CCAR2: variants seen among roughly 807,000 people sequenced by gnomAD.
CCAR2 encodes the protein cell cycle and apoptosis regulator protein 2.
Under a neutral mutation model 108.1 loss-of-function variants are expected in CCAR2, and 21 were observed. The ratio of observed to expected loss-of-function variants is 0.19; its 90% CI spans 0.14 to 0.28. The LOEUF (loss-of-function observed/expected upper bound fraction) is 0.28, where lower values mean the gene tolerates loss of function less well. Ranked by LOEUF, CCAR2 falls within the 10% of genes least tolerant of loss-of-function variation. The probability of loss-of-function intolerance (pLI) is 1.00; values close to 1 mark genes in which losing one functional copy is unlikely to be tolerated. For synonymous variants in CCAR2, 577 were observed against 472.8 expected, an observed-to-expected ratio of 1.22 and a Z score of -2.86; for missense variants, 1,126 against 1,177.0, an observed-to-expected ratio of 0.96 and a Z score of 0.63.
intron 7 of CCAR2, among the ~76,000 whole-genome samples, 165 bp downstream of exon 7, chr8:22,608,230 T>C (rs920419410): frequency 6.6e-6 from 1 of 152,212 alleles, no homozygotes; most frequent in Non-Finnish European, 1.5e-5. Context: ...TCCTAGTCCC[T>C]TTTCTGTGAA....
chr8:22,613,013 C>G lies in CCAR2; in HGVS notation c.585-4C>G, dbSNP rs369541294. ...CTTACTGTTGGTGATGGGTCAACCT[C>G]TAGTGATGACTATGACTCCAAGAAA... On this transcript the variant is annotated splice_polypyrimidine_tract_variant and splice_region_variant and intron_variant, in intron 7 of 20. Transcript: ENST00000308511. 8 of 1,612,098 alleles carry G rather than the reference C, an allele frequency of 5.0e-6. No homozygotes were observed. Among genetic ancestry groups the G allele is most frequent in the African/African-American group, 1.3e-5 (1 of 74,828 alleles).
At chr8:22,609,166 T>C (rs1322189917) in intron 7 of CCAR2, among the ~76,000 whole-genome samples, 1 of 151,624 alleles carries the variant, frequency 6.6e-6, no homozygotes, top group African/African-American at 2.4e-5. Flanking sequence ...TCCTCCTGCC[T>C]CGGCCTCCGC....
Position 22,617,760 on chromosome 8 carries a change from C to T in CCAR2, c.2055C>T (p.Phe685=), listed in dbSNP as rs751880537. 19 of 1,613,702 alleles carry T rather than the reference C, an allele frequency of 1.2e-5. No homozygotes were observed. Among genetic ancestry groups the T allele is most frequent in the Non-Finnish European group, 1.5e-5 (18 of 1,180,014 alleles). ...CCTCAAACCAGTCAGAGATGGAGTT[C>T]TCTTCACTTCAGGACATGGTGAGGC... is the stretch of plus-strand genomic sequence containing the variant. ...SVASNQSEME[F]SSLQDMPKEL... Residue 685 remains phenylalanine, a synonymous_variant, in exon 16 of 21, where the codon TTC becomes TTT. Transcript: ENST00000308511.
At position 22,616,242 on chromosome 8, in the gene CCAR2, C is replaced by T. The variant is rs761666073; in HGVS notation, c.1839C>T (p.Ala613=). ...QNEGPATESE[A]PLKEDGLLPK... ...AGGGCCCGGCTACAGAGTCAGAGGCCCCGCTGGTGAGTACCCTGCCACCTC... is the reference window on the plus strand; with the variant it reads ...AGGGCCCGGCTACAGAGTCAGAGGCTCCGCTGGTGAGTACCCTGCCACCTC... Residue 613 remains alanine, a synonymous_variant, in exon 14 of 21, where the codon GCC becomes GCT. Coordinates refer to ENST00000308511, the MANE Select transcript of CCAR2 (RefSeq NM_001393997.1). 8.1e-6 allele frequency: 13 copies of T among 1,612,104 alleles called. No homozygotes were observed. In the East Asian group the frequency reaches 2.5e-4, roughly 30 times the overall value.
chr8:22,617,341 T>G, intron 14 of CCAR2, 79 bp from the exon 15 acceptor site: 1 of 1,476,552 alleles, frequency 6.8e-7, no homozygotes, highest in South Asian at 1.4e-5. Flanking sequence ...TAGTTGATAC[T>G]CAGGTGTCAG....
chr8:22,607,326 G>A lies in CCAR2; in HGVS notation c.487+1G>A, dbSNP rs758378385. On this transcript the variant is annotated splice_donor_variant, in intron 6 of 20. Transcript: ENST00000308511. LOFTEE classifies it high-confidence loss of function. ...ATTCCCCCACTCTTTCCTCAGAAGC[G>A]TGAGTACGAGTGGCACTGTTGTTGG... is the stretch of plus-strand genomic sequence containing the variant. 6.2e-7 allele frequency: 1 copy of A among 1,610,140 alleles called. No homozygotes were observed.
At chr8:22,606,276 G>C (rs1477642152) in intron 3 of CCAR2, 100 bp downstream of exon 3, 2 of 1,059,242 alleles carry the variant, frequency 1.9e-6, no homozygotes, top group Non-Finnish European at 2.9e-6. Flanking sequence ...TATCATTCCT[G>C]ATCCCTCTCC....
rs202009411 is a variant in CCAR2, at chr8:22,616,112, C to A, written c.1709C>A (p.Pro570Gln). 2.4e-5 allele frequency: 39 copies of A among 1,613,900 alleles called. No individual in the cohort carries two copies. The highest frequency in any genetic ancestry group is 3.3e-5 in the Admixed American group (2 of 59,996). Residue 570 changes from proline (P) to glutamine (Q), a missense_variant, in exon 14 of 21, where the codon CCA (proline) becomes CAA (glutamine). Physicochemically the swap from Pro to Gln is moderately conservative, Grantham distance 76. Coordinates refer to ENST00000308511, the MANE Select transcript of CCAR2 (RefSeq NM_001393997.1). ...AGCCTTCCTGAAAAGGTCGTGTCCC[C>A]ACCTGAACCTGAGAAGGAGGAGGCG... ...LLSLPEKVVS[P>Q]PEPEKEEAAK...
At chr8:22,615,148 G>C in intron 11 of CCAR2, 147 bp downstream of exon 11, 2 of 1,167,500 alleles carry the variant, frequency 1.7e-6, no homozygotes, top group Non-Finnish European at 2.3e-6. Context: ...AGGGTAGGGT[G>C]GGGTGTATGC....
Position 22,619,902 on chromosome 8 carries a change from A to G in CCAR2, c.*220A>G, listed in dbSNP as rs889784827. The G allele has an allele frequency of 3.1e-5, 18 of 579,880 alleles. No homozygotes were observed. Among genetic ancestry groups the G allele is most frequent in the Non-Finnish European group, 5.3e-5 (17 of 323,644 alleles). 35.9% of individuals were successfully genotyped at this position (579,880 alleles called of 1,614,324 possible). On this transcript the variant is annotated 3_prime_UTR_variant, in exon 21 of 21. Transcript: ENST00000308511. ...CCCCGGTTCCACTTAACAACTAAAT[A>G]CAACATCTTTTGCACCCCTAGAATG... is the stretch of plus-strand genomic sequence containing the variant.
In CCAR2 at chr8:22,604,791, G is replaced by A. The variant is rs1369329062; in HGVS notation, c.-90G>A. The A allele has an allele frequency of 2.2e-6, 1 of 455,972 alleles. No homozygotes were observed. The highest frequency in any genetic ancestry group is 2.3e-5 in the Admixed American group (1 of 42,592). The allele number at this position is 455,972 out of a possible 1,614,324, so 28.2% of individuals were successfully genotyped here. On this transcript the variant is annotated 5_prime_UTR_variant, in exon 1 of 21. The change creates a new upstream start codon in the 5' untranslated region. Transcript: ENST00000308511. ...TCCGGTGGCGGCGGCAGCAGCGGCT[G>A]TGGTGGTTCCGGGTGTCTTTGTCCC...
At position 22,619,901 on chromosome 8, in the gene CCAR2, T is replaced by G; in HGVS notation, c.*219T>G. The stretch of plus-strand genomic sequence containing the variant: ...ACCCCGGTTCCACTTAACAACTAAA[T>G]ACAACATCTTTTGCACCCCTAGAAT... On this transcript the variant is annotated 3_prime_UTR_variant, in exon 21 of 21. Coordinates refer to ENST00000308511, the MANE Select transcript of CCAR2 (RefSeq NM_001393997.1). The G allele has an allele frequency of 1.7e-6, 1 of 581,306 alleles. No homozygotes were observed. The highest frequency in any genetic ancestry group is 3.1e-6 in the Non-Finnish European group (1 of 324,372). The allele number at this position is 581,306 out of a possible 1,614,324, so 36.0% of individuals were successfully genotyped here. A position where few individuals can be genotyped will look rare whatever the true frequency, so the allele number is the denominator to read the frequency against.
At chr8:22,614,592 C>G (rs1372645149) in intron 10 of CCAR2, 89 bp downstream of exon 10, 2 of 1,274,700 alleles carry the variant, frequency 1.6e-6, no homozygotes, top group African/African-American at 2.9e-5. Flanking sequence ...TTCCTGAATG[C>G]ATAAAACGAG....
chr8:22,614,617 A>AAC, intron 10 of CCAR2, 114 bp downstream of exon 10: 1 of 1,087,390 alleles, frequency 9.2e-7, no homozygotes, highest in Non-Finnish European at 1.4e-6. Context: ...CTCAGAGCCG[A>AAC]ACACCCCTCA....
intron 11 of CCAR2, 164 bp downstream of exon 11, chr8:22,615,165 C>T (rs939679084): frequency 1.5e-5 from 15 of 1,020,984 alleles, no homozygotes; most frequent in Non-Finnish European, 1.9e-5. Context: ...ATGCCAAAAT[C>T]TGGCTGAGCC....
At chr8:22,615,381 G>T (rs747067015) in intron 11 of CCAR2, 44 bp from the exon 12 acceptor site, 3 of 1,593,938 alleles carry the variant, frequency 1.9e-6, no homozygotes, top group East Asian at 4.5e-5. Context: ...TGTCTGCGTG[G>T]AGTTGTCACT....
chr8:22,618,766 G>A, intron 18 of CCAR2, 38 bp downstream of exon 18: 2 of 1,613,174 alleles, frequency 1.2e-6, no homozygotes, highest in Non-Finnish European at 1.7e-6. Flanking sequence ...TGGGGCACGG[G>A]CAGGGCAGGC....
chr8:22,616,500 C>T (rs1033774859), intron 14 of CCAR2: 4 of 537,768 alleles, frequency 7.4e-6, no homozygotes, highest in African/African-American at 1.9e-5. Context: ...GAGTGGGGTG[C>T]TTTGATTGCC....
rs200007583 is a variant in CCAR2, at chr8:22,605,327, A to G, written c.-38-409A>G. 1.3e-4 allele frequency: 21 copies of G among 164,824 alleles called. No individual in the cohort carries two copies. In the South Asian group the frequency reaches 2.0e-3, roughly 16 times the overall value. 10.2% of individuals were successfully genotyped at this position (164,824 alleles called of 1,614,324 possible). A position where few individuals can be genotyped will look rare whatever the true frequency, so the allele number is the denominator to read the frequency against. On this transcript the variant is annotated intron_variant, in intron 1 of 20. Coordinates refer to ENST00000308511, the MANE Select transcript of CCAR2 (RefSeq NM_001393997.1). ...GGATGTTTTTGAACGAAGGAATGTCATCGGGGCTCTCTCGAGCCCCTCACC... is the reference window on the plus strand; with the variant it reads ...GGATGTTTTTGAACGAAGGAATGTCGTCGGGGCTCTCTCGAGCCCCTCACC...
Sources: gnomAD v4.1 joint callset for allele counts (sites outside exome capture counted in the v4.1 genomes callset) on GRCh38, gnomAD v4.1.1 for gene constraint, MANE v1.5 for transcripts, NCBI Gene and HGNC (gene_info 2026-07-23, HGNC 2026-07-21) for gene names.